Variants in PCDHGB6 observed in about 807,000 individuals in gnomAD.
PCDHGB6 encodes protocadherin gamma-B6.
A neutral mutation model predicts 59.1 loss-of-function variants in PCDHGB6; 51 were observed. That is an observed-to-expected ratio of 0.86 (90% confidence interval 0.69 to 1.09). The LOEUF (loss-of-function observed/expected upper bound fraction) is 1.09. Ranked by LOEUF, PCDHGB6 falls within the 50% of genes least tolerant of loss-of-function variation. The probability of loss-of-function intolerance (pLI) is 0.00; values close to 1 mark genes in which losing one functional copy is unlikely to be tolerated. For missense variants in PCDHGB6, 1,148 were observed against 1,205.1 expected (o/e 0.95, Z 0.70); for synonymous variants, 466 against 495.1 (o/e 0.94, Z 0.78).
chr5:141,460,938 A>G (rs532872249), intron 1 of PCDHGB6, among the ~76,000 whole-genome samples: 38 of 149,918 alleles, frequency 2.5e-4, no homozygotes, highest in African/African-American at 9.1e-4. Context: ...GTGTGTGTAT[A>G]TATATGTATT....
At chr5:141,415,762 T>G (rs1561760360) in intron 1 of PCDHGB6, 16 of 1,399,878 alleles carry the variant, frequency 1.1e-5, no homozygotes, top group East Asian at 5.3e-5. Flanking sequence ...TTTTTTTTTT[T>G]TTTTTTTTTT....
At position 141,423,686 on chromosome 5, in the gene PCDHGB6, A is replaced by T. The variant is rs752078243; in HGVS notation, c.2418+13066A>T. 10 of 1,328,296 alleles carry T rather than the reference A, an allele frequency of 7.5e-6. No homozygotes were observed. The East Asian group carries it at 3.6e-4, about 47-fold the overall frequency. The allele number at this position is 1,328,296 out of a possible 1,614,324, so 82.3% of individuals were successfully genotyped here. The stretch of plus-strand genomic sequence containing the variant: ...GTGAGATTTATTTCTCTGCCTCCTA[A>T]TTGTTGGTGTCTTGGCACAAGTCTT... On this transcript the variant is annotated intron_variant, in intron 1 of 3. Transcript: ENST00000520790.
rs34152666 is a variant in PCDHGB6 at position 141,428,860 on chromosome 5, C to CT, written c.2418+18253dup. 6.7e-4 allele frequency: 98 copies of CT among 145,544 alleles called. 1 individual carries two copies. The highest frequency in any genetic ancestry group is 1.4e-3 in the East Asian group (7 of 4,990). 9.0% of individuals were successfully genotyped at this position (145,544 alleles called of 1,614,324 possible). On this transcript the variant is annotated intron_variant, in intron 1 of 3. Transcript: ENST00000520790. ...ACATTTTCACCATTTTTACGGGAGA[C>CT]TTTTTTTTTTTTTGGACGGAGTCTC...
intron 1 of PCDHGB6, chr5:141,475,927 G>A: frequency 1.6e-6 from 1 of 628,480 alleles, no homozygotes; most frequent in South Asian, 2.1e-5. Flanking sequence ...CTGGAGATCG[G>A]GCCCCTGCCC....
intron 1 of PCDHGB6, among the ~76,000 whole-genome samples, chr5:141,454,980 T>A (rs1049733405): frequency 9.3e-5 from 14 of 151,310 alleles, no homozygotes; most frequent in African/African-American, 2.4e-4. Context: ...GCTAATTTTT[T>A]AAAAAATATT....
chr5:141,472,337 C>T (rs1327386198), intron 1 of PCDHGB6, among the ~76,000 whole-genome samples: 1 of 151,764 alleles, frequency 6.6e-6, no homozygotes, highest in Non-Finnish European at 1.5e-5. Context: ...GTTGGGAGAT[C>T]GAGACCATCC....
chr5:141,510,814 CT>C, intron 3 of PCDHGB6, 132 bp from the exon 4 acceptor site: 1 of 1,544,688 alleles, frequency 6.5e-7, no homozygotes, highest in Non-Finnish European at 8.8e-7. Context: ...TTGGTGACCC[CT>C]ATATTCCCAG....
At chr5:141,423,173 A>T (rs2096717258) in intron 1 of PCDHGB6, 1 of 1,613,330 alleles carries the variant, frequency 6.2e-7, no homozygotes, top group South Asian at 1.1e-5. Flanking sequence ...GCCGTCCAGG[A>T]CCACGGCCAG....
intron 1 of PCDHGB6, among the ~76,000 whole-genome samples, chr5:141,475,364 G>C (rs2099362607): frequency 6.6e-6 from 1 of 152,200 alleles, no homozygotes; most frequent in Admixed American, 6.5e-5. Flanking sequence ...AATAAAATCT[G>C]AATTGTACTT....
Position 141,490,109 on chromosome 5 carries a change from G to A in PCDHGB6, c.2419-4698G>A, listed in dbSNP as rs775286436. The A allele has an allele frequency of 3.4e-5, 55 of 1,614,114 alleles. No homozygotes were observed. Among genetic ancestry groups the A allele is most frequent in the African/African-American group, 8.0e-5 (6 of 74,940 alleles). ...GGAGACCACACATCTGAGGCAGTGC[G>A]GAACCTCTTTGGCCTAGACCCTAGC... On this transcript the variant is annotated intron_variant, in intron 1 of 3. Coordinates refer to ENST00000520790, the MANE Select transcript of PCDHGB6 (RefSeq NM_018926.3). This position sits in a 1 kb window ranked among gnomAD's most constrained non-coding sequence, Gnocchi z 5.4.
intron 1 of PCDHGB6, among the ~76,000 whole-genome samples, chr5:141,460,983 GTATATATATATA>G (rs59296681): frequency 7.3e-6 from 1 of 137,780 alleles, no homozygotes. Flanking sequence ...GTGTGTGTGT[GTATATATATATA>G]TGTGTATATA....
chr5:141,505,625 C>T, intron 3 of PCDHGB6, 144 bp downstream of exon 3: 1 of 1,489,114 alleles, frequency 6.7e-7, no homozygotes, highest in Non-Finnish European at 9.0e-7. Context: ...CCCACAATTC[C>T]AAACATAAAG....
chr5:141,466,085 G>T (rs1028177123), intron 1 of PCDHGB6, among the ~76,000 whole-genome samples: 2 of 151,984 alleles, frequency 1.3e-5, no homozygotes, highest in African/African-American at 4.8e-5. Flanking sequence ...TCATGCCACT[G>T]CACTCCAGCC....
At chr5:141,422,415 A>C (rs1330043187) in intron 1 of PCDHGB6, 1 of 1,604,786 alleles carries the variant, frequency 6.2e-7, no homozygotes, top group Admixed American at 1.7e-5. Flanking sequence ...TTAAATTAGA[A>C]AAGACTTATG....
chr5:141,432,014 A>C lies in PCDHGB6; in HGVS notation c.2418+21394A>C, dbSNP rs778393699. Reference sequence around the variant, plus strand: ...GGATAGGGAACAGGTTCCTAGCTACAACATCACAGTGACCGCCACTGACCG... The same window carrying C: ...GGATAGGGAACAGGTTCCTAGCTACCACATCACAGTGACCGCCACTGACCG... On this transcript the variant is annotated intron_variant, in intron 1 of 3. Transcript: ENST00000520790. This position sits in a 1 kb window ranked among gnomAD's most constrained non-coding sequence, Gnocchi z 6.0. 16 of 1,614,196 alleles carry C rather than the reference A, an allele frequency of 9.9e-6. 1 individual carries two copies. In the South Asian group the frequency reaches 1.6e-4, roughly 17 times the overall value.
At chr5:141,415,285 G>T in intron 1 of PCDHGB6, 1 of 1,614,216 alleles carries the variant, frequency 6.2e-7, no homozygotes. Flanking sequence ...GGTGGCCGCG[G>T]TCTCCTGCGT....
intron 1 of PCDHGB6, among the ~76,000 whole-genome samples, chr5:141,466,008 G>C (rs1298363274): frequency 6.6e-6 from 1 of 151,970 alleles, no homozygotes; most frequent in Non-Finnish European, 1.5e-5. Flanking sequence ...TGTAGTCCCA[G>C]CTACTCGGGA....
intron 1 of PCDHGB6, among the ~76,000 whole-genome samples, chr5:141,465,984 T>C (rs11953841): frequency 0.18 from 27,399 of 151,848 alleles, 2,640 homozygotes; most frequent in Admixed American, 0.28. Context: ...TAGCCGGGCA[T>C]GGTGGCAGGC....
intron 1 of PCDHGB6, among the ~76,000 whole-genome samples, chr5:141,467,341 C>T (rs1169830103): frequency 6.6e-6 from 1 of 152,214 alleles, no homozygotes; most frequent in Non-Finnish European, 1.5e-5. Context: ...ACGTAAGCCA[C>T]TGCCCCCGGC....
Sources: gnomAD v4.1 joint callset for allele counts (sites outside exome capture counted in the v4.1 genomes callset) on GRCh38, gnomAD v4.1.1 for gene constraint, Gnocchi (gnomAD v3.1) non-coding constraint, MANE v1.5 for transcripts, NCBI Gene and HGNC (gene_info 2026-07-23, HGNC 2026-07-21) for gene names.